ALDH3A2: variants seen among roughly 807,000 people sequenced by gnomAD.
ALDH3A2 encodes aldehyde dehydrogenase 3 family member A2.
ALDH3A2 carries 36 observed loss-of-function variants against 51.3 expected under a neutral mutation model. The observed-to-expected ratio is 0.70, with a 90% CI of 0.54 to 0.93. The LOEUF (loss-of-function observed/expected upper bound fraction) is 0.93, where lower values mean the gene tolerates loss of function less well. Among genes scored for constraint, ALDH3A2 ranks in the 40% least tolerant of loss-of-function variants. The pLI is 0.00. For missense variants in ALDH3A2, 552 were observed against 603.1 expected (o/e 0.92, Z 0.89); for synonymous variants, 199 against 219.8 (o/e 0.91, Z 0.84).
intron 7 of ALDH3A2, among the ~76,000 whole-genome samples, 182 bp from the exon 8 acceptor site, chr17:19,664,766 C>G (rs2085012338): frequency 6.6e-6 from 1 of 152,124 alleles, no homozygotes; most frequent in Non-Finnish European, 1.5e-5. Flanking sequence ...GCTAAATTAA[C>G]CAGTTGAGAT....
At chr17:19,651,834 T>A (rs2084820600) in intron 2 of ALDH3A2, 56 bp downstream of exon 2, 3 of 1,483,554 alleles carry the variant, frequency 2.0e-6, no homozygotes, top group African/African-American at 2.8e-5. Context: ...TTTCTCATAT[T>A]AATTGGAAAT....
Position 19,657,806 on chromosome 17 carries a change from C to T in ALDH3A2, c.742C>T (p.Leu248Phe), listed in dbSNP as rs369605228. 1.2e-6 allele frequency: 2 copies of T among 1,613,954 alleles called. No homozygotes were observed. The highest frequency in any genetic ancestry group is 2.7e-5 in the African/African-American group (2 of 74,934). Residue 248 changes from leucine to phenylalanine, a missense_variant, in exon 5 of 10, where the codon CTC becomes TTC. Coordinates refer to ENST00000176643, the MANE Select transcript of ALDH3A2 (RefSeq NM_000382.3). ...GQTCIAPDYILCEASLQNQIV... is the reference protein window; with the variant it reads ...GQTCIAPDYIFCEASLQNQIV... The stretch of plus-strand genomic sequence containing the variant: ...AACCTGCATTGCACCCGACTATATT[C>T]TCTGTGAAGCATCCCTCCAAAATCA...
chr17:19,656,955 A>G (rs2084905402), intron 4 of ALDH3A2, among the ~76,000 whole-genome samples: 1 of 152,236 alleles, frequency 6.6e-6, no homozygotes, highest in Non-Finnish European at 1.5e-5. Flanking sequence ...TATTATGCTG[A>G]TATCTTAACT....
chr17:19,648,430 G>T, upstream of ALDH3A2: 1 of 154,516 alleles, frequency 6.5e-6, no homozygotes, highest in Non-Finnish European at 1.4e-5. Flanking sequence ...ACTGCTCTCC[G>T]TCGCAGTCGG....
Position 19,661,220 on chromosome 17 carries a change from C to T in ALDH3A2, c.892C>T (p.Gln298Ter). 6.2e-7 allele frequency: 1 copy of T among 1,614,082 alleles called. No homozygotes were observed. Residue 298 changes from glutamine to a stop codon, truncating the protein, a stop_gained, in exon 6 of 10, where the codon CAA becomes TAA. Coordinates refer to ENST00000176643, the MANE Select transcript of ALDH3A2 (RefSeq NM_000382.3). LOFTEE classifies it high-confidence loss of function. ...FKRILSLLEG[Q>*]KIAFGGETDE... ...GAGGATACTAAGTTTGCTTGAAGGA[C>T]AAAAGATAGCTTTTGGTGGGGAGAC...
intron 8 of ALDH3A2, among the ~76,000 whole-genome samples, chr17:19,665,603 A>C (rs949371134): frequency 6.6e-6 from 1 of 152,072 alleles, no homozygotes; most frequent in African/African-American, 2.4e-5. Context: ...TGTTCTAGAG[A>C]GGATGGGCAG....
chr17:19,652,747 G>C, intron 3 of ALDH3A2, 115 bp downstream of exon 3: 2 of 880,508 alleles, frequency 2.3e-6, no homozygotes, highest in Non-Finnish European at 3.8e-6. Flanking sequence ...GTCTCTTTAA[G>C]CCTTCAACAG....
At chr17:19,664,547 CATGTGTTA>C (rs2085009596) in intron 7 of ALDH3A2, among the ~76,000 whole-genome samples, 1 of 152,146 alleles carries the variant, frequency 6.6e-6, no homozygotes, top group Non-Finnish European at 1.5e-5. Context: ...ACCTATTAAT[CATGTGTTA>C]TAATTTAAAG....
At chr17:19,670,677 C>G (rs150656841) in intron 8 of ALDH3A2, among the ~76,000 whole-genome samples, 1 of 152,172 alleles carries the variant, frequency 6.6e-6, no homozygotes, top group Non-Finnish European at 1.5e-5. Flanking sequence ...ATTCTCCTAC[C>G]TCAGCCTCCC....
At chr17:19,649,413 CT>C in intron 1 of ALDH3A2, 1 of 395,590 alleles carries the variant, frequency 2.5e-6, no homozygotes, top group East Asian at 4.3e-5. Context: ...TGTAGGAACT[CT>C]TTGTATATTC....
chr17:19,665,499 C>T (rs73981592), intron 8 of ALDH3A2, among the ~76,000 whole-genome samples: 3,105 of 152,020 alleles, frequency 0.02, 90 homozygotes, highest in African/African-American at 0.065. Flanking sequence ...TTGTTTTCTG[C>T]TCAGTTCTTA....
chr17:19,649,099 C>A lies in ALDH3A2; in HGVS notation c.128C>A (p.Thr43Lys). ...MVQEREKDIL[T>K]AIAADLCKSE... is the part of the protein sequence containing the mutation. ...CAGGAGCGCGAGAAGGATATCCTGA[C>A]GGCCATCGCCGCCGACCTGTGCAAG... Residue 43 changes from threonine (T) to lysine (K), a missense_variant, in exon 1 of 10, where the codon ACG becomes AAG. Physicochemically the swap from Thr to Lys is moderately conservative, Grantham distance 78 (BLOSUM62 -1). Transcript: ENST00000176643. 2 of 1,577,614 alleles carry A rather than the reference C, an allele frequency of 1.3e-6. No individual in the cohort carries two copies. The highest frequency in any genetic ancestry group is 1.2e-5 in the South Asian group (1 of 86,178).
rs915782361 is a variant in ALDH3A2 at position 19,654,462 on chromosome 17, C to T, written c.471+1830C>T. On this transcript the variant is annotated intron_variant, in intron 3 of 9. Coordinates refer to ENST00000176643, the MANE Select transcript of ALDH3A2 (RefSeq NM_000382.3). The surrounding 1 kb of genome is among the most constrained non-coding windows in gnomAD (Gnocchi z 4.5). The stretch of plus-strand genomic sequence containing the variant: ...GCTGCAGGTCCCGAGCCCTGCCCTG[C>T]GGGGAGGTGGCTGAGGCCCGGCGAG... Among the ~76,000 whole-genome samples, 5 of 152,266 alleles carry T rather than the reference C, an allele frequency of 3.3e-5. No homozygotes were observed. The highest frequency in any genetic ancestry group is 2.1e-4 in the South Asian group (1 of 4,824).
At chr17:19,653,260 G>C (rs139793965) in intron 3 of ALDH3A2, among the ~76,000 whole-genome samples, 1 of 152,118 alleles carries the variant, frequency 6.6e-6, no homozygotes, top group African/African-American at 2.4e-5. Context: ...GGTCAGGCTG[G>C]TCTCGAGCTC....
At chr17:19,670,764 T>C (rs909833237) in intron 8 of ALDH3A2, among the ~76,000 whole-genome samples, 3 of 152,236 alleles carry the variant, frequency 2.0e-5, no homozygotes, top group African/African-American at 4.8e-5. Context: ...GATTTAACGA[T>C]GTTGGCCAGG....
At chr17:19,661,053 G>A in intron 5 of ALDH3A2, 74 bp from the exon 6 acceptor site, 1 of 1,455,004 alleles carries the variant, frequency 6.9e-7, no homozygotes, top group Non-Finnish European at 9.6e-7. Flanking sequence ...TTTGGGGCAT[G>A]GCTGGATTTT....
chr17:19,653,392 C>T (rs561946789), intron 3 of ALDH3A2, among the ~76,000 whole-genome samples: 2 of 152,062 alleles, frequency 1.3e-5, no homozygotes, highest in African/African-American at 2.4e-5. Context: ...AGAATGAAGC[C>T]GCGGACCCTT....
rs1216857159 is a variant in ALDH3A2, at chr17:19,675,597, G to A, written c.*25G>A. The A allele has an allele frequency of 6.2e-7, 1 of 1,606,628 alleles. No individual in the cohort carries two copies. The highest frequency in any genetic ancestry group is 1.3e-5 in the African/African-American group (1 of 74,742). On this transcript the variant is annotated 3_prime_UTR_variant, in exon 10 of 10. Transcript: ENST00000176643. ...AAGAATGATCCTGTTCAACCTCCTAGTGCCTCTACTGAATTATTCCTCTTT... is the reference window on the plus strand; with the variant it reads ...AAGAATGATCCTGTTCAACCTCCTAATGCCTCTACTGAATTATTCCTCTTT...
intron 3 of ALDH3A2, chr17:19,655,429 T>A (rs1200313539): frequency 6.6e-6 from 1 of 152,260 alleles, no homozygotes; most frequent in African/African-American, 2.4e-5. Flanking sequence ...CTTCAATAAC[T>A]GACTCTGTCC....
Sources: allele counts gnomAD v4.1 joint callset (sites outside exome capture counted in the v4.1 genomes callset), GRCh38; gene constraint gnomAD v4.1.1; non-coding constraint Gnocchi (gnomAD v3.1); transcripts MANE v1.5; gene names NCBI Gene and HGNC (gene_info 2026-07-23, HGNC 2026-07-21).